Variants in GSTCD observed in about 807,000 individuals in gnomAD.
GSTCD encodes the protein glutathione S-transferase C-terminal domain-containing protein.
GSTCD carries 44 observed loss-of-function variants against 68.3 expected under a neutral mutation model. The ratio of observed to expected loss-of-function variants is 0.64; its 90% CI spans 0.51 to 0.83. The LOEUF is 0.83. GSTCD is among the 40% of genes least tolerant of loss of function. GSTCD has a pLI of 0.00. For missense variants in GSTCD, 739 were observed against 735.9 expected (o/e 1.00, Z -0.05); for synonymous variants, 273 against 255.2 (o/e 1.07, Z -0.67).
chr4:105,824,865 C>G (rs937014402), intron 7 of GSTCD, among the ~76,000 whole-genome samples: 8 of 152,044 alleles, frequency 5.3e-5, no homozygotes, highest in Non-Finnish European at 1.0e-4. Flanking sequence ...ATGCCATATT[C>G]TTTCTCATCT....
At chr4:105,823,359 G>A (rs1380958127) in intron 7 of GSTCD, 84 bp downstream of exon 7, 6 of 1,154,704 alleles carry the variant, frequency 5.2e-6, no homozygotes, top group Non-Finnish European at 7.8e-6. Flanking sequence ...CGCTCTTGGA[G>A]TTTCTAGTCA....
At chr4:105,755,943 G>T (rs866848266) in intron 5 of GSTCD, among the ~76,000 whole-genome samples, 1 of 150,266 alleles carries the variant, frequency 6.7e-6, no homozygotes, top group Middle Eastern at 3.4e-3. Flanking sequence ...TGTGATATGG[G>T]TACATGGTTC....
intron 5 of GSTCD, among the ~76,000 whole-genome samples, chr4:105,801,627 T>C (rs972214233): frequency 6.6e-6 from 1 of 152,006 alleles, no homozygotes; most frequent in Non-Finnish European, 1.5e-5. Context: ...ATAAAGTTCA[T>C]CAATATATTG....
chr4:105,740,380 G>A (rs1453078663), intron 5 of GSTCD, among the ~76,000 whole-genome samples: 2 of 152,036 alleles, frequency 1.3e-5, no homozygotes, highest in South Asian at 2.1e-4. Flanking sequence ...TCTGATCCCT[G>A]CTGGGGAATG....
At chr4:105,789,972 T>G (rs1490976922) in intron 5 of GSTCD, among the ~76,000 whole-genome samples, 1 of 152,036 alleles carries the variant, frequency 6.6e-6, no homozygotes, top group Non-Finnish European at 1.5e-5. Context: ...CCTTACTTTT[T>G]GAGAGGATAA....
chr4:105,802,234 C>G (rs1036086848), intron 5 of GSTCD, among the ~76,000 whole-genome samples: 1 of 152,020 alleles, frequency 6.6e-6, no homozygotes, highest in African/African-American at 2.4e-5. Flanking sequence ...GTTTCTACTG[C>G]CTTCATATGT....
At chr4:105,838,283 C>T (rs1724202745) in intron 10 of GSTCD, among the ~76,000 whole-genome samples, 1 of 152,218 alleles carries the variant, frequency 6.6e-6, no homozygotes, top group Non-Finnish European at 1.5e-5. Flanking sequence ...CCAGGTAACA[C>T]CTGCCCTTTT....
chr4:105,788,132 G>C (rs1361313825), intron 5 of GSTCD, among the ~76,000 whole-genome samples: 1 of 151,786 alleles, frequency 6.6e-6, no homozygotes, highest in Non-Finnish European at 1.5e-5. Context: ...TTTTCCTCCT[G>C]AATTGTGTCA....
At chr4:105,751,359 CAG>C (rs1215809019) in intron 5 of GSTCD, among the ~76,000 whole-genome samples, 1 of 151,904 alleles carries the variant, frequency 6.6e-6, no homozygotes, top group Non-Finnish European at 1.5e-5. Flanking sequence ...TTTTTTCAAA[CAG>C]AAGAATTGGG....
chr4:105,765,848 C>A (rs1578451789), intron 5 of GSTCD, among the ~76,000 whole-genome samples: 1 of 152,130 alleles, frequency 6.6e-6, no homozygotes, highest in East Asian at 1.9e-4. Context: ...GTCTCTCCTG[C>A]CACCATGTGA....
chr4:105,795,185 T>G (rs574949578), intron 5 of GSTCD, among the ~76,000 whole-genome samples: 2 of 152,188 alleles, frequency 1.3e-5, no homozygotes, highest in Non-Finnish European at 2.9e-5. Context: ...ATATTGTGGG[T>G]TTTACTTGAT....
intron 5 of GSTCD, among the ~76,000 whole-genome samples, chr4:105,776,908 A>G (rs192990706): frequency 6.6e-6 from 1 of 152,232 alleles, no homozygotes; most frequent in East Asian, 1.9e-4. Flanking sequence ...CATCTCTACT[A>G]TGCTGCAGTA....
chr4:105,731,984 C>A (rs1193898739), intron 5 of GSTCD, among the ~76,000 whole-genome samples: 7 of 152,018 alleles, frequency 4.6e-5, no homozygotes, highest in Admixed American at 3.9e-4. Context: ...TGTTTATATG[C>A]TGGATTACGT....
At chr4:105,710,596 A>G (rs1444278483) in intron 1 of GSTCD, among the ~76,000 whole-genome samples, 6 of 152,158 alleles carry the variant, frequency 3.9e-5, no homozygotes, top group Admixed American at 1.3e-4. Context: ...TTTAAATAAA[A>G]ATAAATACTG....
At chr4:105,769,187 T>C (rs965790237) in intron 5 of GSTCD, among the ~76,000 whole-genome samples, 4 of 151,098 alleles carry the variant, frequency 2.6e-5, no homozygotes, top group Admixed American at 2.0e-4. Flanking sequence ...TTCTATTTAA[T>C]TAGAGAAAAT....
intron 5 of GSTCD, among the ~76,000 whole-genome samples, chr4:105,808,000 CTT>C (rs1722591169): frequency 6.6e-6 from 1 of 152,062 alleles, no homozygotes; most frequent in African/African-American, 2.4e-5. Context: ...CTTCTTCTCT[CTT>C]GATCCTATGA....
At chr4:105,814,661 C>T (rs1038498527) in intron 5 of GSTCD, among the ~76,000 whole-genome samples, 2 of 151,942 alleles carry the variant, frequency 1.3e-5, no homozygotes, top group East Asian at 3.9e-4. Flanking sequence ...AATACTACCA[C>T]TGCTAGGTAC....
At chr4:105,753,715 C>T (rs1734084791) in intron 5 of GSTCD, among the ~76,000 whole-genome samples, 1 of 152,036 alleles carries the variant, frequency 6.6e-6, no homozygotes, top group Admixed American at 6.5e-5. Flanking sequence ...CAATCCTTCA[C>T]TGATACTAAG....
At chr4:105,842,276 C>T (rs1243424027) in intron 11 of GSTCD, 142 bp downstream of exon 11, 1 of 645,566 alleles carries the variant, frequency 1.5e-6, no homozygotes, top group Non-Finnish European at 2.7e-6. Flanking sequence ...CCCAAAAAAA[C>T]TTAATTCATA....
Sources: allele counts gnomAD v4.1 joint callset (sites outside exome capture counted in the v4.1 genomes callset), GRCh38; gene constraint gnomAD v4.1.1; transcripts MANE v1.5; gene names NCBI Gene and HGNC (gene_info 2026-07-23, HGNC 2026-07-21).